The following TMEM116 variants were observed in gnomAD, a reference collection of about 807,000 sequenced individuals.
TMEM116 encodes the protein transmembrane protein 116.
In TMEM116, 38 loss-of-function variants were observed where a neutral mutation model predicts 44.3. The observed-to-expected ratio is 0.86, with a 90% CI of 0.66 to 1.12. The LOEUF (loss-of-function observed/expected upper bound fraction) is 1.12. TMEM116 is among the 50% of genes most tolerant of loss of function. TMEM116 has a pLI of 0.00. For synonymous variants in TMEM116, 132 were observed against 144.8 expected (o/e 0.91, Z 0.64); for missense variants, 354 against 401.7 (o/e 0.88, Z 1.01).
At chr12:111,976,196 T>C (rs560555662) in intron 4 of TMEM116, among the ~76,000 whole-genome samples, 1 of 151,914 alleles carries the variant, frequency 6.6e-6, no homozygotes, top group Non-Finnish European at 1.5e-5. Context: ...TTAGTAGAGA[T>C]AGGGTTTCAC....
Position 111,940,541 on chromosome 12 carries a change from ATATACACACACACATATATATGTGTG to A in TMEM116, c.316-2357_316-2332del, listed in dbSNP as rs1227995171. On this transcript the variant is annotated intron_variant, in intron 5 of 10. Transcript: ENST00000552374. ...TATATGTGTATATATATATATATAT[ATATACACACACACATATATATGTGTG>A]TATATATATATATATATCTTCGGCT... is the stretch of plus-strand genomic sequence containing the variant. Among the ~76,000 whole-genome samples, 107 of 103,856 alleles carry A rather than the reference ATATACACACACACATATATATGTGTG, an allele frequency of 1.0e-3. 8 individuals carry two copies. In the East Asian group the frequency reaches 0.039, roughly 38 times the overall value. 68.1% of individuals were successfully genotyped at this position (103,856 alleles called of 152,430 possible). A position where few individuals can be genotyped will look rare whatever the true frequency, so the allele number is the denominator to read the frequency against.
At chr12:111,993,556 C>A (rs1251969524) in intron 3 of TMEM116, 4 of 540,960 alleles carry the variant, frequency 7.4e-6, no homozygotes, top group Admixed American at 6.8e-5. Context: ...TCAAACCCAA[C>A]CAGGTTAGAC....
intron 1 of TMEM116, among the ~76,000 whole-genome samples, chr12:112,009,080 AAAGC>A (rs2136754106): frequency 6.6e-6 from 1 of 152,356 alleles, no homozygotes; most frequent in East Asian, 1.9e-4. Flanking sequence ...GTTTGGAACA[AAAGC>A]AAGGAAGGAA....
intron 4 of TMEM116, among the ~76,000 whole-genome samples, chr12:111,945,960 T>C (rs187102997): frequency 5.3e-5 from 8 of 152,352 alleles, no homozygotes; most frequent in Non-Finnish European, 7.4e-5. Flanking sequence ...TTTGCCCAAC[T>C]GTAGGCTAAT....
rs146990027 is a variant in TMEM116 at position 111,983,951 on chromosome 12, C to T, written c.210+7807G>A. Among the ~76,000 whole-genome samples the T allele has an allele frequency of 2.7e-3, 404 of 152,058 alleles. 5 individuals are homozygous for T. Among genetic ancestry groups the T allele is most frequent in the African/African-American group, 9.5e-3 (393 of 41,482 alleles). On this transcript the variant is annotated intron_variant, in intron 4 of 10. Coordinates refer to ENST00000552374, the MANE Select transcript of TMEM116 (RefSeq NM_001193531.2). ...AAAATAGTAGCAAACAAAATTCAAC[C>T]GCACATTAAAATGATTATACACCAT... is the stretch of plus-strand genomic sequence containing the variant.
chr12:111,990,938 T>C (rs1005873962), intron 4 of TMEM116, among the ~76,000 whole-genome samples: 10 of 152,130 alleles, frequency 6.6e-5, no homozygotes, highest in African/African-American at 2.4e-4. Context: ...AAGTATTCAT[T>C]GGCTGGGCAC....
At chr12:111,945,343 C>CAAAAAAAAAAAA (rs917839133) in intron 4 of TMEM116, among the ~76,000 whole-genome samples, 4 of 33,824 alleles carry the variant, frequency 1.2e-4, no homozygotes, top group Admixed American at 4.1e-4. Flanking sequence ...GACTCCATCT[C>CAAAAAAAAAAAA]AAAAAAAAAA....
rs375621805 is a variant in TMEM116, at chr12:111,937,102, T to C, written c.449+58A>G. On this transcript the variant is annotated intron_variant, in intron 7 of 10. Coordinates refer to ENST00000552374, the MANE Select transcript of TMEM116 (RefSeq NM_001193531.2). Reference sequence around the variant, plus strand: ...GTGGAAAGTCTTTTTCCAGCTCTATTTATAGAAACAAATAGGTGTAGTCTG... The same window carrying C: ...GTGGAAAGTCTTTTTCCAGCTCTATCTATAGAAACAAATAGGTGTAGTCTG... The C allele has an allele frequency of 5.1e-5, 76 of 1,476,582 alleles. No individual in the cohort carries two copies. Among genetic ancestry groups the C allele is most frequent in the Non-Finnish European group, 6.7e-5 (71 of 1,057,294 alleles). 91.5% of individuals were successfully genotyped at this position (1,476,582 alleles called of 1,614,324 possible).
chr12:111,974,290 T>A (rs1431690829), intron 4 of TMEM116, among the ~76,000 whole-genome samples: 2 of 152,260 alleles, frequency 1.3e-5, no homozygotes, highest in African/African-American at 4.8e-5. Context: ...ACTGTCCACT[T>A]TCACCACTTT....
At chr12:112,006,041 G>C (rs1294127347) in intron 1 of TMEM116, 2 of 961,820 alleles carry the variant, frequency 2.1e-6, no homozygotes, top group Non-Finnish European at 2.5e-6. Context: ...ATCCTTCCTA[G>C]TCAGGTTCTG....
intron 4 of TMEM116, among the ~76,000 whole-genome samples, chr12:111,987,938 C>A (rs946805634): frequency 6.6e-6 from 1 of 152,174 alleles, no homozygotes; most frequent in East Asian, 1.9e-4. Context: ...CATTGACAGA[C>A]AAATGGATAA....
At chr12:111,981,575 G>C (rs1180052713) in intron 4 of TMEM116, among the ~76,000 whole-genome samples, 2 of 152,100 alleles carry the variant, frequency 1.3e-5, no homozygotes, top group Non-Finnish European at 2.9e-5. Context: ...GAGCAGGAGT[G>C]GCCTCAAAGA....
At chr12:112,005,383 T>C in intron 1 of TMEM116, 80 bp from the exon 2 acceptor site, 1 of 1,007,032 alleles carries the variant, frequency 9.9e-7, no homozygotes, top group Non-Finnish European at 1.3e-6. Context: ...TAACTATCTG[T>C]ACAGCATGAA....
Position 112,006,318 on chromosome 12 carries a change from T to C in TMEM116, c.-33-1015A>G, listed in dbSNP as rs2077583260. 1.3e-5 allele frequency among the ~76,000 whole-genome samples: 2 copies of C among 151,678 alleles called. 1 individual carries two copies. The highest frequency in any genetic ancestry group is 4.2e-4 in the South Asian group (2 of 4,794). On this transcript the variant is annotated intron_variant, in intron 1 of 10. Coordinates refer to ENST00000552374, the MANE Select transcript of TMEM116 (RefSeq NM_001193531.2). ...ATTGAGAAAAAAAGATGAGTCATAG[T>C]GAAAAGATAAATAGAGCTGCAATAG...
intron 1 of TMEM116, chr12:112,005,978 C>A (rs1037051753): frequency 3.9e-5 from 38 of 985,744 alleles, no homozygotes; most frequent in Non-Finnish European, 4.6e-5. Context: ...AGAATGCTAG[C>A]GTCTAGTGGA....
At chr12:111,968,992 C>CAAAAAAAAAAAAAAAAAAAAA (rs1176204219) in intron 4 of TMEM116, among the ~76,000 whole-genome samples, 1 of 45,164 alleles carries the variant, frequency 2.2e-5, no homozygotes, top group East Asian at 4.5e-4. Context: ...GACTCTATCT[C>CAAAAAAAAAAAAAAAAAAAAA]AAAAAAAAAA....
At chr12:111,987,976 A>G (rs924236753) in intron 4 of TMEM116, among the ~76,000 whole-genome samples, 11 of 152,366 alleles carry the variant, frequency 7.2e-5, no homozygotes, top group African/African-American at 2.6e-4. Flanking sequence ...CATACAATAC[A>G]ATGGAATATT....
intron 4 of TMEM116, among the ~76,000 whole-genome samples, chr12:111,959,990 C>A (rs886434836): frequency 1.3e-5 from 2 of 152,122 alleles, no homozygotes; most frequent in African/African-American, 4.8e-5. Flanking sequence ...CAGCTCTAGA[C>A]CAAGCGGACC....
chr12:111,939,598 G>A (rs909177753), intron 5 of TMEM116, among the ~76,000 whole-genome samples: 2 of 150,912 alleles, frequency 1.3e-5, no homozygotes, highest in Non-Finnish European at 3.0e-5. Context: ...AGGAGTTCGA[G>A]ACTAGCCTAG....
Sources: allele counts gnomAD v4.1 joint callset (sites outside exome capture counted in the v4.1 genomes callset), GRCh38; gene constraint gnomAD v4.1.1; transcripts MANE v1.5; gene names NCBI Gene and HGNC (gene_info 2026-07-23, HGNC 2026-07-21).